ATRNL1: variants seen among roughly 807,000 people sequenced by gnomAD.
ATRNL1 encodes attractin-like protein 1.
ATRNL1 carries 95 observed loss-of-function variants against 182.7 expected under a neutral mutation model. The ratio of observed to expected loss-of-function variants is 0.52; its 90% CI spans 0.44 to 0.62. ATRNL1 has a LOEUF of 0.62. ATRNL1 is among the 20% of genes least tolerant of loss of function. The probability of loss-of-function intolerance (pLI) is 0.00; values close to 1 mark genes in which losing one functional copy is unlikely to be tolerated. For synonymous variants in ATRNL1, 576 were observed against 568.3 expected (o/e 1.01, Z -0.19); for missense variants, 1,471 against 1,679.5 (o/e 0.88, Z 2.17).
intron 24 of ATRNL1, among the ~76,000 whole-genome samples, chr10:115,500,733 G>A (rs1849784033): frequency 6.6e-6 from 1 of 151,374 alleles, no homozygotes; most frequent in Admixed American, 6.6e-5. Context: ...TGGAGATGGG[G>A]TTTCTCCATG....
In ATRNL1 at chr10:115,603,644, A is replaced by G. The variant is rs189761692; in HGVS notation, c.3795+54108A>G. Among the ~76,000 whole-genome samples the G allele has an allele frequency of 3.3e-5, 5 of 152,312 alleles. No homozygotes were observed. In the East Asian group the frequency reaches 9.6e-4, roughly 29 times the overall value. ...ATTGTGTCATACATTTAACTTATAC[A>G]TATTTTATAAGCATCATCATAAGCA... On this transcript the variant is annotated intron_variant, in intron 26 of 28. Transcript: ENST00000355044.
chr10:115,941,923 T>G, intron 28 of ATRNL1, among the ~76,000 whole-genome samples: 1 of 152,330 alleles, frequency 6.6e-6, no homozygotes, highest in South Asian at 2.1e-4. Context: ...TCTTCAAAGG[T>G]CAAGAAAACA....
At chr10:115,558,494 T>A (rs1853460505) in intron 26 of ATRNL1, among the ~76,000 whole-genome samples, 1 of 152,198 alleles carries the variant, frequency 6.6e-6, no homozygotes, top group African/African-American at 2.4e-5. Context: ...TCCCTTTCCA[T>A]CTGAGATGTG....
intron 26 of ATRNL1, among the ~76,000 whole-genome samples, chr10:115,588,352 G>C (rs1555010958): frequency 6.6e-6 from 1 of 152,126 alleles, no homozygotes; most frequent in Non-Finnish European, 1.5e-5. Context: ...AGCTTAGAGT[G>C]TTGGCAGATA....
intron 27 of ATRNL1, among the ~76,000 whole-genome samples, chr10:115,736,790 C>G (rs12766958): frequency 6.6e-6 from 1 of 151,880 alleles, no homozygotes; most frequent in Non-Finnish European, 1.5e-5. Context: ...TTTTTTGAGA[C>G]GGCGTCTTGC....
At chr10:115,566,017 T>C (rs1478013707) in intron 26 of ATRNL1, among the ~76,000 whole-genome samples, 3 of 152,186 alleles carry the variant, frequency 2.0e-5, no homozygotes, top group Admixed American at 2.0e-4. Context: ...ACATCTATAA[T>C]TGGTAAATTA....
chr10:115,155,823 G>A (rs528040013), intron 5 of ATRNL1, among the ~76,000 whole-genome samples: 2 of 152,278 alleles, frequency 1.3e-5, no homozygotes, highest in African/African-American at 4.8e-5. Context: ...AAAGGGATAA[G>A]TATGGAAATA....
chr10:115,146,171 A>G (rs1592164246), intron 5 of ATRNL1, among the ~76,000 whole-genome samples: 1 of 152,140 alleles, frequency 6.6e-6, no homozygotes, highest in East Asian at 1.9e-4. Context: ...CAAAAAGAAA[A>G]TAAATATAGT....
chr10:115,638,316 A>C (rs1220802014), intron 26 of ATRNL1, among the ~76,000 whole-genome samples: 1 of 152,180 alleles, frequency 6.6e-6, no homozygotes, highest in African/African-American at 2.4e-5. Flanking sequence ...ATATAGCCTA[A>C]TATACTCCAT....
At chr10:115,270,200 C>CTATA (rs1177534370) in intron 13 of ATRNL1, among the ~76,000 whole-genome samples, 5 of 142,610 alleles carry the variant, frequency 3.5e-5, no homozygotes, top group Non-Finnish European at 6.0e-5. Flanking sequence ...CAGAATCTGT[C>CTATA]TATATATATA....
At chr10:115,153,666 C>G (rs1846357627) in intron 5 of ATRNL1, among the ~76,000 whole-genome samples, 1 of 152,052 alleles carries the variant, frequency 6.6e-6, no homozygotes, top group Admixed American at 6.5e-5. Flanking sequence ...AATCCAGCTC[C>G]TGCTCCTGGA....
intron 19 of ATRNL1, among the ~76,000 whole-genome samples, chr10:115,392,462 G>A (rs1349131450): frequency 6.6e-6 from 1 of 152,120 alleles, no homozygotes; most frequent in Non-Finnish European, 1.5e-5. Context: ...GTCTAGATCA[G>A]ATAAAAGTAA....
At chr10:115,875,012 A>G (rs782669711) in intron 28 of ATRNL1, among the ~76,000 whole-genome samples, 1 of 152,226 alleles carries the variant, frequency 6.6e-6, no homozygotes, top group African/African-American at 2.4e-5. Context: ...GAAAAATTAC[A>G]GTAATCCAGG....
At chr10:115,371,447 G>A (rs1309664469) in intron 19 of ATRNL1, among the ~76,000 whole-genome samples, 3 of 152,228 alleles carry the variant, frequency 2.0e-5, no homozygotes, top group Admixed American at 6.5e-5. Context: ...TCAAGACCAT[G>A]GGAACACACC....
chr10:115,874,792 A>T (rs981426892), intron 28 of ATRNL1, among the ~76,000 whole-genome samples: 1 of 152,192 alleles, frequency 6.6e-6, no homozygotes, highest in Admixed American at 6.5e-5. Context: ...GTTCTTTGGA[A>T]GTGGGAGGTT....
chr10:115,177,230 A>G (rs1554886904), intron 8 of ATRNL1, among the ~76,000 whole-genome samples: 1 of 152,152 alleles, frequency 6.6e-6, no homozygotes, highest in East Asian at 1.9e-4. Flanking sequence ...GTCATTGGTG[A>G]TCTTGACAGG....
In ATRNL1 at chr10:115,367,561, A is replaced by G. The variant is rs538114212; in HGVS notation, c.3176-27098A>G. Among the ~76,000 whole-genome samples the G allele has an allele frequency of 2.0e-5, 3 of 152,134 alleles. No homozygotes were observed. The East Asian group carries it at 5.8e-4, about 29-fold the overall frequency. On this transcript the variant is annotated intron_variant, in intron 19 of 28. Transcript: ENST00000355044. ...ATCCAGCTTTGTTCCGTTGCTGGTG[A>G]GGAACTGCGTCCCTTTGGAGGAGGA...
At chr10:115,433,565 A>G (rs1846262328) in intron 21 of ATRNL1, among the ~76,000 whole-genome samples, 1 of 152,102 alleles carries the variant, frequency 6.6e-6, no homozygotes, top group East Asian at 1.9e-4. Flanking sequence ...AATGAGTCAC[A>G]TTTTTGGCAT....
At chr10:115,527,224 T>A (rs1217043013) in intron 25 of ATRNL1, among the ~76,000 whole-genome samples, 3 of 151,054 alleles carry the variant, frequency 2.0e-5, no homozygotes, top group African/African-American at 7.3e-5. Context: ...GCTCAAGCGA[T>A]CCTCCCACCT....
Sources: allele counts gnomAD v4.1 joint callset (sites outside exome capture counted in the v4.1 genomes callset), GRCh38; gene constraint gnomAD v4.1.1; transcripts MANE v1.5; gene names NCBI Gene and HGNC (gene_info 2026-07-23, HGNC 2026-07-21).